Variants in STS observed in about 807,000 individuals in gnomAD.
The protein encoded by STS is steryl-sulfatase.
STS carries 7 observed loss-of-function variants against 26.8 expected under a neutral mutation model. The observed-to-expected ratio is 0.26, with a 90% confidence interval of 0.15 to 0.49. STS has a LOEUF of 0.49. STS is among the 20% of genes least tolerant of loss of function. The probability of loss-of-function intolerance (pLI) is 0.98; values close to 1 mark genes in which losing one functional copy is unlikely to be tolerated. For missense variants in STS, 434 were observed against 465.6 expected, an observed-to-expected ratio of 0.93 and a Z score of 0.63; for synonymous variants, 199 against 189.4, an observed-to-expected ratio of 1.05 and a Z score of -0.42.
At chrX:7,200,426 C>T (rs1402185128) in intron 2 of STS, among the ~76,000 whole-genome samples, 1 of 111,518 alleles carries the variant, frequency 9.0e-6, no homozygotes, top group Non-Finnish European at 1.9e-5. Context: ...TCAGCTTTCT[C>T]TGCCTCTGAC....
chrX:7,284,178 A>G (rs1317579152), intron 7 of STS, among the ~76,000 whole-genome samples: 1 of 112,145 alleles, frequency 8.9e-6, no homozygotes, highest in Admixed American at 9.4e-5. Context: ...ACCATTATGG[A>G]CTGCTCATTC....
intron 2 of STS, among the ~76,000 whole-genome samples, chrX:7,219,076 G>C (rs1214407562): frequency 8.9e-6 from 1 of 111,839 alleles, no homozygotes; most frequent in Non-Finnish European, 1.9e-5. Flanking sequence ...AGCTTTTATA[G>C]ACCTTAAAAT....
At chrX:7,292,852 C>A (rs1925483702) in intron 7 of STS, among the ~76,000 whole-genome samples, 1 of 111,043 alleles carries the variant, frequency 9.0e-6, no homozygotes, top group Non-Finnish European at 1.9e-5. Context: ...TGCCACTGAA[C>A]CAGTCTAGTT....
At chrX:7,165,656 T>A (rs1933334951) in intron 1 of STS, among the ~76,000 whole-genome samples, 1 of 110,802 alleles carries the variant, frequency 9.0e-6, no homozygotes, top group Admixed American at 9.7e-5. Context: ...AAAAATAAAA[T>A]AATAATAAAA....
intron 3 of STS, among the ~76,000 whole-genome samples, chrX:7,253,859 C>T (rs1177725061): frequency 8.0e-5 from 9 of 112,067 alleles, no homozygotes; most frequent in African/African-American, 2.9e-4. Context: ...GGCTGGGTGG[C>T]TTCTAAACAA....
chrX:7,158,848 G>A (rs1933185922), intron 1 of STS, among the ~76,000 whole-genome samples: 1 of 112,170 alleles, frequency 8.9e-6, no homozygotes, highest in Admixed American at 9.5e-5. Flanking sequence ...CCACTAGCTG[G>A]TATAAGACAT....
chrX:7,211,956 C>T (rs1449465879), intron 2 of STS, among the ~76,000 whole-genome samples: 1 of 112,148 alleles, frequency 8.9e-6, no homozygotes, highest in Non-Finnish European at 1.9e-5. Flanking sequence ...CTTCCTCCTC[C>T]CCTTCCTTTC....
rs747945107 is a variant in STS, at chrX:7,265,407, ATTAG to A, written c.806+5636_806+5639del. On this transcript the variant is annotated intron_variant, in intron 6 of 10. Transcript: ENST00000674429. ...TATTTTGACAGAAATTATTTAATCT[ATTAG>A]GTATATAAATATTCATATGATTACA... 2.3e-3 allele frequency among the ~76,000 whole-genome samples: 253 copies of A among 112,172 alleles called. 3 individuals carry two copies. The highest frequency in any genetic ancestry group is 7.8e-3 in the African/African-American group (241 of 30,947).
intron 2 of STS, among the ~76,000 whole-genome samples, chrX:7,240,533 G>GTGTGTATATATA (rs1373072915): frequency 1.7e-5 from 1 of 60,570 alleles, no homozygotes; most frequent in African/African-American, 6.5e-5. Flanking sequence ...GTGTGTGTGT[G>GTGTGTATATATA]TATATATATA....
Position 7,342,520 on chromosome X carries a change from T to C in STS, c.1364-7368T>C, listed in dbSNP as rs377118185. 6.9e-4 allele frequency among the ~76,000 whole-genome samples: 78 copies of C among 112,437 alleles called. No individual in the cohort carries two copies. In the East Asian group the frequency reaches 0.018, roughly 26 times the overall value. On this transcript the variant is annotated intron_variant, in intron 10 of 10. Coordinates refer to ENST00000674429, the MANE Select transcript of STS (RefSeq NM_001320752.2). ...ATACTCAGGCATCAGTTGGGAAAGC[T>C]TGTGTTGCTCTCAAATTGGCTGGCT...
chrX:7,261,590 AGTTGATGCTTTACTGGAG>A (rs1462438395), intron 6 of STS, among the ~76,000 whole-genome samples: 2 of 111,169 alleles, frequency 1.8e-5, no homozygotes, highest in African/African-American at 3.3e-5. Context: ...GTGTGCCTGG[AGTTGATGCTTTACTGGAG>A]GTTGGGAATG....
intron 9 of STS, among the ~76,000 whole-genome samples, chrX:7,330,382 T>G (rs1029788181): frequency 8.9e-6 from 1 of 112,006 alleles, no homozygotes; most frequent in African/African-American, 3.2e-5. Context: ...TGGTTACACC[T>G]TTTGGAAAAC....
At position 7,148,880 on chromosome X, in the gene STS, C is replaced by T. The variant is rs1241589582; in HGVS notation, c.-134+797C>T. Among the ~76,000 whole-genome samples the T allele has an allele frequency of 6.2e-5, 7 of 112,044 alleles. No homozygotes were observed. In the East Asian group the frequency reaches 1.7e-3, roughly 27 times the overall value. ...CTGGTTGTGCCTTCTTAGGTATCATCTGTCTTTTGGGCTGCTCTGAGTTTT... is the reference window on the plus strand; with the variant it reads ...CTGGTTGTGCCTTCTTAGGTATCATTTGTCTTTTGGGCTGCTCTGAGTTTT... On this transcript the variant is annotated intron_variant, in intron 1 of 10. Transcript: ENST00000674429.
chrX:7,230,034 A>G (rs1230940600), intron 2 of STS, among the ~76,000 whole-genome samples: 1 of 109,967 alleles, frequency 9.1e-6, no homozygotes, highest in African/African-American at 3.3e-5. Context: ...ATGTGCCACC[A>G]TGCCTGGCTA....
At chrX:7,248,039 T>C (rs1288570655) in intron 2 of STS, among the ~76,000 whole-genome samples, 1 of 111,942 alleles carries the variant, frequency 8.9e-6, no homozygotes, top group Non-Finnish European at 1.9e-5. Flanking sequence ...AAATACCTAA[T>C]GGGAAGGCAA....
intron 1 of STS, among the ~76,000 whole-genome samples, chrX:7,174,168 C>G (rs1241047019): frequency 9.0e-6 from 1 of 111,601 alleles, no homozygotes; most frequent in Non-Finnish European, 1.9e-5. Flanking sequence ...CAATGCGGCC[C>G]TATAGGGTTT....
intron 10 of STS, 139 bp downstream of exon 10, chrX:7,334,246 G>T: frequency 1.1e-6 from 1 of 912,603 alleles, no homozygotes; most frequent in Non-Finnish European, 1.6e-6. Context: ...GCTTTGCTTT[G>T]TCCTCTTTTC....
intron 2 of STS, among the ~76,000 whole-genome samples, chrX:7,232,224 T>TG (rs1196717520): frequency 1.8e-5 from 2 of 112,016 alleles, no homozygotes; most frequent in African/African-American, 6.5e-5. Context: ...TCAGAAGCTC[T>TG]GGGGGAAATG....
intron 9 of STS, among the ~76,000 whole-genome samples, chrX:7,327,376 C>CTTTTTT (rs759561492): frequency 1.0e-5 from 1 of 99,804 alleles, no homozygotes. Context: ...AATTCATATT[C>CTTTTTT]TTTTTTTTTT....
Sources: gnomAD v4.1 joint callset for allele counts (sites outside exome capture counted in the v4.1 genomes callset) on GRCh38, gnomAD v4.1.1 for gene constraint, MANE v1.5 for transcripts, NCBI Gene and HGNC (gene_info 2026-07-23, HGNC 2026-07-21) for gene names.